The following CEP164 variants were observed in gnomAD, a reference collection of about 807,000 sequenced individuals.
CEP164 encodes centrosomal protein 164.
CEP164 carries 162 observed loss-of-function variants against 182.7 expected under a neutral mutation model. The ratio of observed to expected loss-of-function variants is 0.89; its 90% CI spans 0.78 to 1.01. The LOEUF (loss-of-function observed/expected upper bound fraction) is 1.01, where lower values mean the gene tolerates loss of function less well. Ranked by LOEUF, CEP164 falls within the 50% of genes least tolerant of loss-of-function variation. The pLI, the probability that CEP164 is intolerant of heterozygous loss-of-function variation, is 0.00. For missense variants in CEP164, 1,735 were observed against 1,790.4 expected (o/e 0.97, Z 0.56); for synonymous variants, 661 against 690.0 (o/e 0.96, Z 0.66).
At chr11:117,395,303 ACT>A in intron 23 of CEP164, 112 bp downstream of exon 23, 1 of 1,326,542 alleles carries the variant, frequency 7.5e-7, no homozygotes, top group Non-Finnish European at 1.1e-6. Flanking sequence ...GGGGTTCCAA[ACT>A]CTGTTGGCCA....
intron 8 of CEP164, among the ~76,000 whole-genome samples, chr11:117,366,739 GT>G (rs1342503820): frequency 6.6e-6 from 1 of 152,178 alleles, no homozygotes; most frequent in African/African-American, 2.4e-5. Flanking sequence ...CTTGATGGGG[GT>G]CTCTGCAGAA....
chr11:117,374,434 CTGTT>C (rs2042532385), intron 10 of CEP164, among the ~76,000 whole-genome samples: 1 of 152,112 alleles, frequency 6.6e-6, no homozygotes, highest in Non-Finnish European at 1.5e-5. Flanking sequence ...CATCCTCCAT[CTGTT>C]TGGAGGAGGC....
At chr11:117,400,998 C>A (rs2046071737) in intron 27 of CEP164, among the ~76,000 whole-genome samples, 1 of 152,140 alleles carries the variant, frequency 6.6e-6, no homozygotes, top group African/African-American at 2.4e-5. Flanking sequence ...TGCCTGATTG[C>A]CCTGGCCAGA....
intron 5 of CEP164, among the ~76,000 whole-genome samples, chr11:117,358,833 C>A (rs546148746): frequency 6.6e-6 from 1 of 152,172 alleles, no homozygotes; most frequent in East Asian, 1.9e-4. Context: ...CCATGTATGT[C>A]CTAGGCTCTT....
Position 117,374,189 on chromosome 11 carries a change from G to A in CEP164, c.1233+358G>A, listed in dbSNP as rs979602831. Among the ~76,000 whole-genome samples the A allele has an allele frequency of 3.9e-5, 6 of 152,238 alleles. No homozygotes were observed. In the East Asian group the frequency reaches 7.7e-4, roughly 20 times the overall value. ...TGAGCCTAGGAGGTTAGAGACTGGT[G>A]TGTTTGTGTTTATGGGATCACTGAG... On this transcript the variant is annotated intron_variant, in intron 10 of 32. Coordinates refer to ENST00000278935, the MANE Select transcript of CEP164 (RefSeq NM_014956.5).
chr11:117,372,311 G>C (rs1007888904), intron 9 of CEP164, among the ~76,000 whole-genome samples: 2 of 152,148 alleles, frequency 1.3e-5, no homozygotes, highest in East Asian at 3.9e-4. Context: ...GTTTCGCCAT[G>C]TTGCCCAGGC....
intron 5 of CEP164, among the ~76,000 whole-genome samples, chr11:117,359,091 C>T (rs915379223): frequency 5.9e-5 from 9 of 152,148 alleles, no homozygotes; most frequent in African/African-American, 2.2e-4. Flanking sequence ...ATTACAGGCA[C>T]CTGCCACCAT....
intron 27 of CEP164, among the ~76,000 whole-genome samples, chr11:117,405,176 T>C (rs1048371486): frequency 2.0e-5 from 3 of 152,122 alleles, no homozygotes; most frequent in Non-Finnish European, 2.9e-5. Flanking sequence ...TCTGTGTCAC[T>C]GGTGCTCCAG....
chr11:117,344,908 A>G (rs1320736418), intron 4 of CEP164, among the ~76,000 whole-genome samples: 1 of 151,988 alleles, frequency 6.6e-6, no homozygotes, highest in East Asian at 1.9e-4. Context: ...AGCATGGGCG[A>G]CAGAGCGAGA....
chr11:117,392,900 T>C, intron 19 of CEP164, 104 bp from the exon 20 acceptor site: 1 of 1,530,396 alleles, frequency 6.5e-7, no homozygotes, highest in African/African-American at 1.4e-5. Flanking sequence ...TTGTGTGTGT[T>C]GGGGGAGATT....
intron 14 of CEP164, chr11:117,386,224 T>A (rs1205242582): frequency 1.3e-5 from 2 of 152,388 alleles, no homozygotes; most frequent in East Asian, 3.9e-4. Context: ...TTGAGGGACC[T>A]GGACGTGGAG....
chr11:117,336,232 A>G lies in CEP164; in HGVS notation c.-22+552A>G, dbSNP rs1032772576. On this transcript the variant is annotated intron_variant, in intron 2 of 32. Transcript: ENST00000278935. ...AGAATCGCTGCTGGAAGAGGAGGAG[A>G]AAGAGGAGGAGGAATGCTTGCCATG... The G allele has an allele frequency of 2.0e-5, 32 of 1,593,610 alleles. No homozygotes were observed. In the African/African-American group the frequency reaches 2.4e-4, roughly 12 times the overall value.
At chr11:117,355,265 G>T in intron 5 of CEP164, 3 of 1,289,826 alleles carry the variant, frequency 2.3e-6, no homozygotes, top group Non-Finnish European at 3.0e-6. Context: ...ACTCCAGAAG[G>T]CGACAGAGAA....
chr11:117,392,672 ACT>A (rs111242993), intron 19 of CEP164, 45 bp downstream of exon 19: 31 of 1,598,632 alleles, frequency 1.9e-5, no homozygotes, highest in Middle Eastern at 1.7e-4. Context: ...CCTGTTGTGG[ACT>A]CTCTTACAGT....
intron 5 of CEP164, chr11:117,356,462 C>A: frequency 7.8e-7 from 1 of 1,275,334 alleles, no homozygotes; most frequent in Non-Finnish European, 1.0e-6. Context: ...GCTGCTGGAA[C>A]ATCCTCAGGA....
intron 27 of CEP164, among the ~76,000 whole-genome samples, chr11:117,404,102 A>G (rs547051700): frequency 1.7e-4 from 26 of 152,074 alleles, no homozygotes; most frequent in African/African-American, 6.0e-4. Context: ...TAGAACATGC[A>G]CCTTTAGTTC....
Position 117,338,639 on chromosome 11 carries a change from A to C in CEP164, c.53A>C (p.Tyr18Ser), listed in dbSNP as rs770996340. 4 of 1,614,102 alleles carry C rather than the reference A, an allele frequency of 2.5e-6. No homozygotes were observed. Among genetic ancestry groups the C allele is most frequent in the Admixed American group, 3.3e-5 (2 of 60,020 alleles). ...GATCAGCTGGTTCTGGAAGAAGATT[A>C]TGATGAGACCTACATTCCTAGTGAG... ...IGDQLVLEED[Y>S]DETYIPSEQE... Residue 18 changes from tyrosine to serine, a missense_variant, in exon 3 of 33, where the codon TAT becomes TCT. Tyr to Ser is a moderately radical substitution (Grantham distance 144, BLOSUM62 -2). Coordinates refer to ENST00000278935, the MANE Select transcript of CEP164 (RefSeq NM_014956.5).
At chr11:117,375,273 G>A (rs892500643) in intron 10 of CEP164, among the ~76,000 whole-genome samples, 2 of 152,256 alleles carry the variant, frequency 1.3e-5, no homozygotes, top group Middle Eastern at 3.4e-3. Context: ...GAGTCAGTGC[G>A]GGGCCCCATC....
rs1293265221 is a variant in CEP164, at chr11:117,373,920, G to A, written c.1233+89G>A. ...TAAGTAATTTGCCTAGCATCACGCA[G>A]CTTATAAGTGGGAGAATTTCGAACT... On this transcript the variant is annotated intron_variant, in intron 10 of 32. Transcript: ENST00000278935. The A allele has an allele frequency of 9.0e-6, 10 of 1,107,712 alleles. No individual in the cohort carries two copies. In the East Asian group the frequency reaches 2.2e-4, roughly 24 times the overall value. The allele number at this position is 1,107,712 out of a possible 1,614,324, so 68.6% of individuals were successfully genotyped here. A position where few individuals can be genotyped will look rare whatever the true frequency, so the allele number is the denominator to read the frequency against.
Sources: allele counts gnomAD v4.1 joint callset (sites outside exome capture counted in the v4.1 genomes callset), GRCh38; gene constraint gnomAD v4.1.1; transcripts MANE v1.5; gene names NCBI Gene and HGNC (gene_info 2026-07-23, HGNC 2026-07-21).